The following SERPINB7 variants were observed in gnomAD, a reference collection of about 807,000 sequenced individuals.
SERPINB7 encodes serpin B7.
Under a neutral mutation model 37.4 loss-of-function variants are expected in SERPINB7, and 31 were observed. That is an observed-to-expected ratio of 0.83 (90% CI 0.62 to 1.12). The LOEUF (loss-of-function observed/expected upper bound fraction) is 1.12, where lower values mean the gene tolerates loss of function less well. Among genes scored for constraint, SERPINB7 ranks in the 50% most tolerant of loss-of-function variants. The pLI is 0.00. For synonymous variants in SERPINB7, 163 were observed against 166.1 expected (o/e 0.98, Z 0.14); for missense variants, 521 against 455.3 (o/e 1.14, Z -1.31).
chr18:63,771,353 C>T (rs896810892), upstream of SERPINB7, among the ~76,000 whole-genome samples: 1 of 152,046 alleles, frequency 6.6e-6, no homozygotes, highest in African/African-American at 2.4e-5. Flanking sequence ...TGGTTTCCTG[C>T]ATAGACTGGA....
intron 1 of SERPINB7, among the ~76,000 whole-genome samples, chr18:63,780,454 C>G (rs543882389): frequency 6.6e-6 from 1 of 152,230 alleles, no homozygotes; most frequent in East Asian, 1.9e-4. Context: ...GCCTTTAGCA[C>G]TGCTAGTATC....
At chr18:63,796,929 C>T (rs1011457222) in intron 5 of SERPINB7, among the ~76,000 whole-genome samples, 1 of 151,984 alleles carries the variant, frequency 6.6e-6, no homozygotes, top group African/African-American at 2.4e-5. Context: ...CATGATATTG[C>T]TTTTTCCAAG....
chr18:63,780,001 C>T (rs546858941), intron 1 of SERPINB7, among the ~76,000 whole-genome samples: 5 of 152,118 alleles, frequency 3.3e-5, no homozygotes, highest in South Asian at 2.1e-4. Flanking sequence ...CCCATTGGCC[C>T]GTGCAAGCAG....
At chr18:63,803,405 T>A (rs1160325520) in intron 7 of SERPINB7, among the ~76,000 whole-genome samples, 1 of 152,178 alleles carries the variant, frequency 6.6e-6, no homozygotes, top group Non-Finnish European at 1.5e-5. Flanking sequence ...TGTTTAGGAT[T>A]GAAGTTGAGC....
At chr18:63,793,097 T>C in intron 3 of SERPINB7, 64 bp from the exon 4 acceptor site, 1 of 825,522 alleles carries the variant, frequency 1.2e-6, no homozygotes. Context: ...GTTTTATGTG[T>C]AAGTGAGATT....
chr18:63,803,073 A>G (rs1599024572), intron 7 of SERPINB7, among the ~76,000 whole-genome samples: 1 of 152,228 alleles, frequency 6.6e-6, no homozygotes, highest in African/African-American at 2.4e-5. Context: ...CAAGCTAACA[A>G]TATAGTTTTA....
intron 6 of SERPINB7, among the ~76,000 whole-genome samples, chr18:63,799,035 C>G (rs549677291): frequency 6.6e-6 from 1 of 151,988 alleles, no homozygotes; most frequent in Non-Finnish European, 1.5e-5. Context: ...AATTGGAGAC[C>G]TATAAGAAAA....
chr18:63,800,478 A>G (rs1366037288), intron 6 of SERPINB7, among the ~76,000 whole-genome samples: 2 of 152,200 alleles, frequency 1.3e-5, no homozygotes, highest in African/African-American at 4.8e-5. Flanking sequence ...TACTTATTAT[A>G]GAGACTTTTC....
intron 1 of SERPINB7, among the ~76,000 whole-genome samples, chr18:63,779,708 T>C (rs940946512): frequency 6.6e-6 from 1 of 152,124 alleles, no homozygotes; most frequent in African/African-American, 2.4e-5. Context: ...GTATCCTGAA[T>C]GAATACATTC....
Position 63,783,182 on chromosome 18 carries a change from AAGAAAGAGAGAGAGAGAGAGAG to A in SERPINB7, c.168+646_168+667del, listed in dbSNP as rs1365298725. Among the ~76,000 whole-genome samples, 51 of 91,184 alleles carry A rather than the reference AAGAAAGAGAGAGAGAGAGAGAG, an allele frequency of 5.6e-4. No individual in the cohort carries two copies. The South Asian group carries it at 0.015, about 26-fold the overall frequency. The allele number at this position is 91,184 out of a possible 152,430, so 59.8% of individuals were successfully genotyped here. Reference sequence around the variant, plus strand: ...AAAACAAAAAGAAAATAAAGAAAGAAAGAAAGAGAGAGAGAGAGAGAGAGAGAGAGAGAGAGAGAGAGAGAGA... The same window carrying A: ...AAAACAAAAAGAAAATAAAGAAAGAAAGAGAGAGAGAGAGAGAGAGAGAGA... On this transcript the variant is annotated intron_variant, in intron 2 of 7. Transcript: ENST00000398019.
At chr18:63,768,671 A>G (rs2049193775) in intron 1 of SERPINB7, among the ~76,000 whole-genome samples, 1 of 152,118 alleles carries the variant, frequency 6.6e-6, no homozygotes, top group South Asian at 2.1e-4. Flanking sequence ...AATAAATTGC[A>G]TCAATTTAAA....
chr18:63,781,837 CTTAAAA>C (rs1400221537), intron 1 of SERPINB7, among the ~76,000 whole-genome samples: 1 of 151,760 alleles, frequency 6.6e-6, no homozygotes, highest in Non-Finnish European at 1.5e-5. Context: ...ATGCATAATA[CTTAAAA>C]TTAGGACAGT....
At chr18:63,776,809 G>GAA (rs2049252877) in intron 1 of SERPINB7, among the ~76,000 whole-genome samples, 1 of 151,702 alleles carries the variant, frequency 6.6e-6, no homozygotes, top group African/African-American at 2.4e-5. Flanking sequence ...GCTTTCTCTG[G>GAA]AGTTAATAAT....
chr18:63,800,903 G>C lies in SERPINB7; in HGVS notation c.635G>C (p.Arg212Pro). Residue 212 changes from arginine (R) to proline (P), a missense_variant, in exon 7 of 8, where the codon CGG becomes CCG. By Grantham distance (103) the Arg-to-Pro change is moderately radical. Coordinates refer to ENST00000398019, the MANE Select transcript of SERPINB7 (RefSeq NM_003784.4). ...GKAVAMMHQE[R>P]KFNLSVIEDP... The stretch of plus-strand genomic sequence containing the variant: ...GCAGTCGCCATGATGCATCAGGAAC[G>C]GAAGTTCAATTTGTCTGTTATTGAG... The C allele has an allele frequency of 6.2e-7, 1 of 1,613,836 alleles. No homozygotes were observed. The highest frequency in any genetic ancestry group is 8.5e-7 in the Non-Finnish European group (1 of 1,179,844).
chr18:63,780,272 C>T (rs1275605724), intron 1 of SERPINB7, among the ~76,000 whole-genome samples: 1 of 152,072 alleles, frequency 6.6e-6, no homozygotes, highest in Non-Finnish European at 1.5e-5. Context: ...CACACAATTT[C>T]CTTCTAAAAT....
intron 7 of SERPINB7, among the ~76,000 whole-genome samples, chr18:63,803,338 T>G (rs1015577234): frequency 1.3e-5 from 2 of 152,190 alleles, no homozygotes; most frequent in Admixed American, 1.3e-4. Context: ...TAAATTTGAT[T>G]GTATAAATTT....
upstream of SERPINB7, among the ~76,000 whole-genome samples, chr18:63,774,671 C>T (rs544354237): frequency 9.2e-5 from 14 of 152,184 alleles, no homozygotes; most frequent in African/African-American, 2.4e-4. Context: ...GTGGTGCAGA[C>T]GTGGCTTTCC....
intron 1 of SERPINB7, among the ~76,000 whole-genome samples, chr18:63,776,700 C>A (rs9966249): frequency 6.6e-6 from 1 of 150,646 alleles, no homozygotes; most frequent in East Asian, 1.9e-4. Flanking sequence ...TCCCAATGGA[C>A]GTCTAACAAG....
chr18:63,769,193 A>T (rs1304959097), intron 1 of SERPINB7, among the ~76,000 whole-genome samples: 2 of 152,146 alleles, frequency 1.3e-5, no homozygotes, highest in Non-Finnish European at 2.9e-5. Flanking sequence ...TGAACAGAAA[A>T]TTTGAAATTA....
Sources: allele counts gnomAD v4.1 joint callset (sites outside exome capture counted in the v4.1 genomes callset), GRCh38; gene constraint gnomAD v4.1.1; transcripts MANE v1.5; gene names NCBI Gene and HGNC (gene_info 2026-07-23, HGNC 2026-07-21).